Variants in VAV2 observed in about 807,000 individuals in gnomAD.
The protein encoded by VAV2 is guanine nucleotide exchange factor VAV2.
Under a neutral mutation model 132.5 loss-of-function variants are expected in VAV2, and 67 were observed. The observed-to-expected ratio is 0.51, with a 90% confidence interval of 0.42 to 0.62. The LOEUF (loss-of-function observed/expected upper bound fraction) is 0.62, where lower values mean the gene tolerates loss of function less well. VAV2 is among the 20% of genes least tolerant of loss of function. The pLI, the probability that VAV2 is intolerant of heterozygous loss-of-function variation, is 0.00. For missense variants in VAV2, 938 were observed against 1,153.6 expected (o/e 0.81, Z 2.71); for synonymous variants, 492 against 443.5 (o/e 1.11, Z -1.37).
At chr9:133,880,142 A>T (rs1408720498) in intron 2 of VAV2, among the ~76,000 whole-genome samples, 1 of 152,168 alleles carries the variant, frequency 6.6e-6, no homozygotes, top group African/African-American at 2.4e-5. Flanking sequence ...CTGCAGGAAG[A>T]GGGGCTAGGC....
At chr9:133,789,114 A>C in intron 14 of VAV2, 144 bp downstream of exon 14, 1 of 868,818 alleles carries the variant, frequency 1.2e-6, no homozygotes, top group Non-Finnish European at 1.8e-6. Flanking sequence ...GGAAGCAATT[A>C]AAACTGAACA....
intron 3 of VAV2, among the ~76,000 whole-genome samples, chr9:133,838,951 G>A (rs1836602318): frequency 7.1e-6 from 1 of 141,510 alleles, no homozygotes; most frequent in Admixed American, 7.0e-5. Flanking sequence ...GGATGGGGTG[G>A]GTGGGTAGGT....
In VAV2 at chr9:133,861,434, T is replaced by TG. The variant is rs1231670971; in HGVS notation, c.322-3dup. 1 of 1,612,914 alleles carries TG rather than the reference T, an allele frequency of 6.2e-7. No individual in the cohort carries two copies. The highest frequency in any genetic ancestry group is 8.5e-7 in the Non-Finnish European group (1 of 1,179,658). ...GAGCCTCGACACCGCGGAGATGACC[T>TG]GGGGGAGACAAGAAGAGACGCTCCT... On this transcript the variant is annotated splice_region_variant and splice_polypyrimidine_tract_variant and intron_variant, in intron 2 of 29. Transcript: ENST00000371850.
chr9:133,839,981 C>A (rs973473661), intron 3 of VAV2, among the ~76,000 whole-genome samples: 1 of 152,156 alleles, frequency 6.6e-6, no homozygotes, highest in South Asian at 2.1e-4. Flanking sequence ...CTAGCTCCAC[C>A]CCCCACTCCC....
chr9:133,902,213 C>A (rs976332499), intron 2 of VAV2, among the ~76,000 whole-genome samples: 1 of 152,196 alleles, frequency 6.6e-6, no homozygotes, highest in Non-Finnish European at 1.5e-5. Context: ...GGGATAGGAA[C>A]GGGCATCTGC....
Position 133,834,365 on chromosome 9 carries a change from G to A in VAV2, c.381-25C>T. ...CCTGCGGAAGAGAAGGCGAGAGGGA[G>A]GTGAGCAGGTCCCGGCACTGCCGGC... On this transcript the variant is annotated intron_variant, in intron 3 of 29. Coordinates refer to ENST00000371850, the MANE Select transcript of VAV2 (RefSeq NM_001134398.2). The surrounding 1 kb of genome is among the most constrained non-coding windows in gnomAD (Gnocchi z 5.9). 4 of 1,607,394 alleles carry A rather than the reference G, an allele frequency of 2.5e-6. No individual in the cohort carries two copies. In the South Asian group the frequency reaches 3.3e-5, roughly 13 times the overall value.
rs1019021441 is a variant in VAV2 at position 133,768,663 on chromosome 9, T to C, written c.2435-67A>G. 1.5e-5 allele frequency: 23 copies of C among 1,556,342 alleles called. No individual in the cohort carries two copies. The highest frequency in any genetic ancestry group is 2.0e-5 in the Non-Finnish European group (23 of 1,153,102). On this transcript the variant is annotated intron_variant, in intron 28 of 29. Transcript: ENST00000371850. This position sits in a 1 kb window ranked among gnomAD's most constrained non-coding sequence, Gnocchi z 5.3. ...GCCCAACCAGTGATCCAGGAGGCCC[T>C]TGGGCCAAGCTGGGTCTCTCCCCTG...
In VAV2 at chr9:133,802,874, C is replaced by T. The variant is rs760073487; in HGVS notation, c.836+3207G>A. Among the ~76,000 whole-genome samples, 2 of 152,208 alleles carry T rather than the reference C, an allele frequency of 1.3e-5. No homozygotes were observed. Among genetic ancestry groups the T allele is most frequent in the African/African-American group, 4.8e-5 (2 of 41,452 alleles). ...AGGATGCAGGAACAAGCAAGGTGCA[C>T]GGCTGAGCTGCCAGCTCTGGCCTCC... On this transcript the variant is annotated intron_variant, in intron 9 of 29. Coordinates refer to ENST00000371850, the MANE Select transcript of VAV2 (RefSeq NM_001134398.2). This position sits in a 1 kb window ranked among gnomAD's most constrained non-coding sequence, Gnocchi z 5.8.
At chr9:133,956,677 TC>T (rs1325667378) in intron 1 of VAV2, among the ~76,000 whole-genome samples, 1 of 152,140 alleles carries the variant, frequency 6.6e-6, no homozygotes, top group African/African-American at 2.4e-5. Context: ...ACCAGGCCCC[TC>T]GGCTGGTGGG....
chr9:133,844,487 G>A (rs1428477373), intron 3 of VAV2, among the ~76,000 whole-genome samples: 2 of 152,242 alleles, frequency 1.3e-5, no homozygotes, highest in Non-Finnish European at 2.9e-5. Context: ...GGGCGTTGCG[G>A]CCCACAGGCC....
chr9:133,854,212 C>A (rs1002759123), intron 3 of VAV2, among the ~76,000 whole-genome samples: 1 of 126,536 alleles, frequency 7.9e-6, no homozygotes, highest in Non-Finnish European at 1.5e-5. Flanking sequence ...CTGCAATGCA[C>A]ACACACACCC....
rs112773995 is a variant in VAV2, at chr9:133,962,569, A to G, written c.205-23350T>C. Among the ~76,000 whole-genome samples the G allele has an allele frequency of 4.4e-3, 670 of 152,080 alleles. 6 individuals carry two copies. Among genetic ancestry groups the G allele is most frequent in the African/African-American group, 0.012 (504 of 41,510 alleles). ...CAGATCAGGGTACCCTGGGACGCCC[A>G]CCCAGGCCTGGCTCCAGCTCTCCAA... On this transcript the variant is annotated intron_variant, in intron 1 of 29. Transcript: ENST00000371850.
At chr9:133,963,315 G>A (rs760986498) in intron 1 of VAV2, among the ~76,000 whole-genome samples, 2 of 152,160 alleles carry the variant, frequency 1.3e-5, no homozygotes, top group African/African-American at 4.8e-5. Context: ...GGAAGACCCA[G>A]GAAACGCCAC....
chr9:133,884,376 G>C lies in VAV2; in HGVS notation c.322-22944C>G, dbSNP rs1206590978. ...AACTCAAAGGACGCTCATCAAAGCAGTGCTTCCTTAGGCGCTTGGGTGCTC... is the reference window on the plus strand; with the variant it reads ...AACTCAAAGGACGCTCATCAAAGCACTGCTTCCTTAGGCGCTTGGGTGCTC... On this transcript the variant is annotated intron_variant, in intron 2 of 29. Coordinates refer to ENST00000371850, the MANE Select transcript of VAV2 (RefSeq NM_001134398.2). This position sits in a 1 kb window ranked among gnomAD's most constrained non-coding sequence, Gnocchi z 5.3. Among the ~76,000 whole-genome samples, 1 of 152,232 alleles carries C rather than the reference G, an allele frequency of 6.6e-6. No homozygotes were observed. Among genetic ancestry groups the C allele is most frequent in the Non-Finnish European group, 1.5e-5 (1 of 68,042 alleles).
At chr9:133,973,147 T>C (rs114281993) in intron 1 of VAV2, among the ~76,000 whole-genome samples, 1,790 of 152,050 alleles carry the variant, frequency 0.012, 31 homozygotes, top group African/African-American at 0.04. Flanking sequence ...GGAAGGTCCA[T>C]GGGCACAGGG....
At chr9:133,773,690 T>G (rs1301738894) in intron 25 of VAV2, among the ~76,000 whole-genome samples, 1 of 152,226 alleles carries the variant, frequency 6.6e-6, no homozygotes, top group Non-Finnish European at 1.5e-5. Context: ...CAACAATGCC[T>G]TCTTCTAGAA....
chr9:133,946,204 G>T (rs1010593625), intron 1 of VAV2, among the ~76,000 whole-genome samples: 10 of 152,328 alleles, frequency 6.6e-5, no homozygotes, highest in African/African-American at 2.2e-4. Context: ...CCTTTAGTTC[G>T]CAGCAGAGCT....
chr9:133,923,051 T>C (rs1014442170), intron 2 of VAV2, among the ~76,000 whole-genome samples: 1 of 152,184 alleles, frequency 6.6e-6, no homozygotes, highest in African/African-American at 2.4e-5. Context: ...TAGATATTCC[T>C]CCAAAGATGA....
chr9:133,855,208 G>A, intron 3 of VAV2, among the ~76,000 whole-genome samples: 1 of 152,246 alleles, frequency 6.6e-6, no homozygotes, highest in East Asian at 1.9e-4. Context: ...ACAAGGTGTT[G>A]GCGTGCGGAC....
Sources: gnomAD v4.1 joint callset for allele counts (sites outside exome capture counted in the v4.1 genomes callset) on GRCh38, gnomAD v4.1.1 for gene constraint, Gnocchi (gnomAD v3.1) non-coding constraint, MANE v1.5 for transcripts, NCBI Gene and HGNC (gene_info 2026-07-23, HGNC 2026-07-21) for gene names.